Variants in THSD4 observed in about 807,000 individuals in gnomAD.
THSD4 encodes thrombospondin type-1 domain-containing protein 4.
THSD4 carries 69 observed loss-of-function variants against 119.0 expected under a neutral mutation model. The ratio of observed to expected loss-of-function variants is 0.58; its 90% confidence interval spans 0.48 to 0.71. THSD4 has a LOEUF of 0.71. Ranked by LOEUF, THSD4 falls within the 30% of genes least tolerant of loss-of-function variation. The pLI, the probability that THSD4 is intolerant of heterozygous loss-of-function variation, is 0.00. For missense variants in THSD4, 1,393 were observed against 1,391.1 expected (o/e 1.00, Z -0.02); for synonymous variants, 524 against 540.4 (o/e 0.97, Z 0.42).
chr15:71,337,251 G>T (rs536991995), intron 6 of THSD4, among the ~76,000 whole-genome samples: 1 of 152,316 alleles, frequency 6.6e-6, no homozygotes, highest in African/African-American at 2.4e-5. Context: ...CAGTGGTAGG[G>T]TCTAGAGTGG....
At chr15:71,200,128 A>G (rs1442268726) in intron 3 of THSD4, among the ~76,000 whole-genome samples, 1 of 152,074 alleles carries the variant, frequency 6.6e-6, no homozygotes, top group Non-Finnish European at 1.5e-5. Flanking sequence ...CTCCCTGCAC[A>G]TTCCTGGGCG....
intron 7 of THSD4, among the ~76,000 whole-genome samples, chr15:71,489,774 T>C (rs1348028251): frequency 6.6e-6 from 1 of 152,228 alleles, no homozygotes; most frequent in Non-Finnish European, 1.5e-5. Flanking sequence ...GGGAGAATGC[T>C]GACTTATGCA....
At chr15:71,614,167 C>T (rs899447266) in intron 7 of THSD4, among the ~76,000 whole-genome samples, 1 of 152,164 alleles carries the variant, frequency 6.6e-6, no homozygotes, top group African/African-American at 2.4e-5. Flanking sequence ...CACTTCTTCC[C>T]AAAAGTAGAA....
intron 8 of THSD4, among the ~76,000 whole-genome samples, chr15:71,664,871 C>T (rs1406980297): frequency 1.3e-5 from 2 of 152,176 alleles, no homozygotes; most frequent in African/African-American, 4.8e-5. Context: ...ATATGTACCA[C>T]ATTTTCTTTC....
chr15:71,564,775 GTATAT>G (rs2049200121), intron 7 of THSD4, among the ~76,000 whole-genome samples: 8 of 7,720 alleles, frequency 1.0e-3, no homozygotes, highest in South Asian at 2.2e-3. Context: ...AATATATATT[GTATAT>G]TATAACATAT....
chr15:71,642,917 T>A (rs113000522), intron 7 of THSD4, among the ~76,000 whole-genome samples: 6,354 of 152,114 alleles, frequency 0.042, 424 homozygotes, highest in African/African-American at 0.15. Context: ...AACCTGCACA[T>A]TGTGCACATG....
chr15:71,689,111 C>T (rs959907371), intron 8 of THSD4, among the ~76,000 whole-genome samples: 1 of 152,210 alleles, frequency 6.6e-6, no homozygotes, highest in Non-Finnish European at 1.5e-5. Flanking sequence ...CAATGAGATT[C>T]TGAAAGATGG....
intron 7 of THSD4, among the ~76,000 whole-genome samples, chr15:71,565,836 A>T (rs528755901): frequency 6.6e-6 from 1 of 152,320 alleles, no homozygotes; most frequent in African/African-American, 2.4e-5. Flanking sequence ...AAGGGAAGAA[A>T]AGCAAGGGAA....
intron 8 of THSD4, among the ~76,000 whole-genome samples, chr15:71,701,840 G>A (rs1467128432): frequency 6.6e-6 from 1 of 152,136 alleles, no homozygotes; most frequent in African/African-American, 2.4e-5. Flanking sequence ...CCAAGCAGAA[G>A]AAGTGAGACC....
chr15:71,740,957 T>C (rs1387496678), intron 11 of THSD4, among the ~76,000 whole-genome samples: 1 of 152,172 alleles, frequency 6.6e-6, no homozygotes. Flanking sequence ...GCTGTCTCCA[T>C]GAATATACAC....
intron 14 of THSD4, among the ~76,000 whole-genome samples, chr15:71,751,844 G>A (rs1264749799): frequency 1.3e-5 from 2 of 151,952 alleles, no homozygotes; most frequent in African/African-American, 2.4e-5. Context: ...ATGTTTTACT[G>A]TTTAAAACAG....
intron 10 of THSD4, among the ~76,000 whole-genome samples, chr15:71,736,261 GTC>G (rs1466679251): frequency 7.5e-6 from 1 of 133,216 alleles, no homozygotes. Flanking sequence ...CTTGCTCTCT[GTC>G]TCTGTCTCAC....
chr15:71,410,379 C>G lies in THSD4; in HGVS notation c.1016-1308C>G, dbSNP rs371577978. On this transcript the variant is annotated intron_variant, in intron 6 of 17. Coordinates refer to ENST00000261862, the MANE Select transcript of THSD4 (RefSeq NM_024817.3). ...GAGGGGGCAGAAGTAGAGGTGGGAT[C>G]CAGATCCATGGAGGGCTTCCTGAGG... Among the ~76,000 whole-genome samples the G allele has an allele frequency of 4.6e-5, 7 of 152,240 alleles. No individual in the cohort carries two copies. In the East Asian group the frequency reaches 1.4e-3, roughly 29 times the overall value.
chr15:71,526,721 G>A (rs1048218232), intron 7 of THSD4, among the ~76,000 whole-genome samples: 2 of 152,176 alleles, frequency 1.3e-5, no homozygotes, highest in African/African-American at 4.8e-5. Flanking sequence ...AATCCCTAGG[G>A]CTAGTGTGGT....
At chr15:71,375,555 T>C (rs1047950571) in intron 6 of THSD4, among the ~76,000 whole-genome samples, 2 of 152,202 alleles carry the variant, frequency 1.3e-5, no homozygotes, top group Admixed American at 6.5e-5. Context: ...CCTGGCACAA[T>C]ACATGTTTGT....
chr15:71,113,220 C>A (rs1325435978), upstream of THSD4, among the ~76,000 whole-genome samples: 1 of 152,094 alleles, frequency 6.6e-6, no homozygotes, highest in Admixed American at 6.5e-5. Flanking sequence ...CAAGTATTAT[C>A]TTGACTTTAA....
rs375795585 is a variant in THSD4 at position 71,731,245 on chromosome 15, A to G, written c.1630+28A>G. On this transcript the variant is annotated intron_variant, in intron 10 of 17. Coordinates refer to ENST00000261862, the MANE Select transcript of THSD4 (RefSeq NM_024817.3). ...AGAATCCCTTGTCTTGTGGCCGGGG[A>G]CTCTGGTCATTTCCTTGTAAAGCCT... 80 of 1,601,500 alleles carry G rather than the reference A, an allele frequency of 5.0e-5. No homozygotes were observed. The African/African-American group carries it at 1.0e-3, about 20-fold the overall frequency.
In THSD4 at chr15:71,646,414, A is replaced by C. The variant is rs56729160; in HGVS notation, c.1153-14116A>C. 4.1e-3 allele frequency among the ~76,000 whole-genome samples: 621 copies of C among 152,118 alleles called. 4 individuals carry two copies. Among genetic ancestry groups the C allele is most frequent in the African/African-American group, 0.014 (577 of 41,516 alleles). Reference sequence around the variant, plus strand: ...GTTCTCTGCTGGAGAAATGCTTTTCATTTTACTTCCATATTTGCTGCCGTT... The same window carrying C: ...GTTCTCTGCTGGAGAAATGCTTTTCCTTTTACTTCCATATTTGCTGCCGTT... On this transcript the variant is annotated intron_variant, in intron 7 of 17. Coordinates refer to ENST00000261862, the MANE Select transcript of THSD4 (RefSeq NM_024817.3).
intron 7 of THSD4, among the ~76,000 whole-genome samples, chr15:71,635,673 G>T (rs1259299005): frequency 6.6e-6 from 1 of 152,164 alleles, no homozygotes; most frequent in Non-Finnish European, 1.5e-5. Flanking sequence ...AAGGTTGCCA[G>T]TTATCAAAAA....
Sources: allele counts gnomAD v4.1 joint callset (sites outside exome capture counted in the v4.1 genomes callset), GRCh38; gene constraint gnomAD v4.1.1; transcripts MANE v1.5; gene names NCBI Gene and HGNC (gene_info 2026-07-23, HGNC 2026-07-21).